TMCC1: variants seen among roughly 807,000 people sequenced by gnomAD.
TMCC1 encodes the protein transmembrane and coiled-coil domain family 1, also known as transmembrane and coiled-coil domains protein 1.
A neutral mutation model predicts 52.4 loss-of-function variants in TMCC1; 15 were observed. The observed-to-expected ratio is 0.29, with a 90% CI of 0.19 to 0.44. TMCC1 has a LOEUF of 0.44. Ranked by LOEUF, TMCC1 falls within the 20% of genes least tolerant of loss-of-function variation. The pLI is 1.00. For synonymous variants in TMCC1, 279 were observed against 301.9 expected, an observed-to-expected ratio of 0.92 and a Z score of 0.79; for missense variants, 503 against 806.0, an observed-to-expected ratio of 0.62 and a Z score of 4.55.
intron 4 of TMCC1, among the ~76,000 whole-genome samples, chr3:129,725,796 C>T (rs2050030876): frequency 1.3e-5 from 2 of 152,052 alleles, no homozygotes; most frequent in African/African-American, 4.8e-5. Flanking sequence ...AAAGAAACAA[C>T]CGTACTAAAT....
intron 2 of TMCC1, among the ~76,000 whole-genome samples, chr3:129,871,365 C>CAAAA (rs908333351): frequency 1.5e-3 from 77 of 49,806 alleles, no homozygotes; most frequent in African/African-American, 5.0e-3. Context: ...GACGCTGTCT[C>CAAAA]AAAAAAAAAA....
Position 129,700,235 on chromosome 3 carries a change from T to A in TMCC1, c.577-28971A>T, listed in dbSNP as rs190052148. Among the ~76,000 whole-genome samples, 26 of 149,686 alleles carry A rather than the reference T, an allele frequency of 1.7e-4. No homozygotes were observed. The East Asian group carries it at 4.9e-3, about 28-fold the overall frequency. On this transcript the variant is annotated intron_variant, in intron 4 of 6. Coordinates refer to ENST00000393238, the MANE Select transcript of TMCC1 (RefSeq NM_001017395.5). ...AATCTTTATTTTTTAAAAAGAAAAT[T>A]AAAAAAAAAATCTAATGTATTAAAT...
At chr3:129,734,423 A>T (rs1226049856) in intron 4 of TMCC1, among the ~76,000 whole-genome samples, 2 of 152,214 alleles carry the variant, frequency 1.3e-5, no homozygotes, top group African/African-American at 4.8e-5. Flanking sequence ...CAATACAAGT[A>T]CATAGACATA....
At chr3:129,758,343 G>T (rs929251146) in intron 4 of TMCC1, among the ~76,000 whole-genome samples, 1 of 152,130 alleles carries the variant, frequency 6.6e-6, no homozygotes, top group African/African-American at 2.4e-5. Context: ...TCATGTTTAG[G>T]TTAATAATTG....
At chr3:129,790,117 G>T (rs1393121194) in intron 4 of TMCC1, among the ~76,000 whole-genome samples, 1 of 152,140 alleles carries the variant, frequency 6.6e-6, no homozygotes, top group East Asian at 1.9e-4. Context: ...AATCATCACT[G>T]ATTTACTGTT....
At chr3:129,745,967 C>G (rs576314371) in intron 4 of TMCC1, among the ~76,000 whole-genome samples, 158 of 151,292 alleles carry the variant, frequency 1.0e-3, no homozygotes, top group African/African-American at 3.4e-3. Context: ...TTGTTGCCCA[C>G]GCTGGTCTCA....
intron 4 of TMCC1, among the ~76,000 whole-genome samples, chr3:129,716,073 G>A (rs1379910084): frequency 1.3e-5 from 2 of 151,984 alleles, no homozygotes; most frequent in Admixed American, 1.3e-4. Flanking sequence ...AGACTGCCTC[G>A]AGAGACAACA....
At chr3:129,705,975 T>C (rs1321374670) in intron 4 of TMCC1, among the ~76,000 whole-genome samples, 1 of 150,934 alleles carries the variant, frequency 6.6e-6, no homozygotes, top group Non-Finnish European at 1.5e-5. Context: ...ACTGCCACCT[T>C]TGCCTCCCAG....
chr3:129,779,690 G>C (rs956185962), intron 4 of TMCC1, among the ~76,000 whole-genome samples: 1 of 152,122 alleles, frequency 6.6e-6, no homozygotes, highest in African/African-American at 2.4e-5. Flanking sequence ...ATCTTTCCAA[G>C]TAAACTGCCC....
chr3:129,712,001 CAAAAA>C (rs71155567), intron 4 of TMCC1, among the ~76,000 whole-genome samples: 10 of 47,722 alleles, frequency 2.1e-4, no homozygotes, highest in African/African-American at 1.1e-3. Flanking sequence ...GACTCTGTCT[CAAAAA>C]AAAAAAAAAA....
chr3:129,710,309 T>A (rs952537923), intron 4 of TMCC1, among the ~76,000 whole-genome samples: 7 of 152,218 alleles, frequency 4.6e-5, no homozygotes, highest in African/African-American at 1.7e-4. Flanking sequence ...AATTATTCCA[T>A]TTTATTTTTC....
chr3:129,697,305 C>A (rs888171383), intron 4 of TMCC1, among the ~76,000 whole-genome samples: 2 of 152,196 alleles, frequency 1.3e-5, no homozygotes, highest in African/African-American at 4.8e-5. Context: ...AGGTATAGGG[C>A]CTTCACCCTC....
At chr3:129,687,358 C>T (rs2089478551) in intron 4 of TMCC1, among the ~76,000 whole-genome samples, 1 of 152,106 alleles carries the variant, frequency 6.6e-6, no homozygotes, top group African/African-American at 2.4e-5. Context: ...TAGGATTTTG[C>T]AAATCTAATG....
chr3:129,673,630 C>T (rs149196105), intron 4 of TMCC1, among the ~76,000 whole-genome samples: 1,911 of 152,222 alleles, frequency 0.013, 23 homozygotes, highest in Middle Eastern at 0.051. Flanking sequence ...GCGGGAGGAT[C>T]GCTTGAGCCC....
Position 129,760,331 on chromosome 3 carries a change from G to T in TMCC1, c.576+67472C>A, listed in dbSNP as rs144187053. 2.9e-4 allele frequency among the ~76,000 whole-genome samples: 44 copies of T among 152,076 alleles called. No individual in the cohort carries two copies. In the East Asian group the frequency reaches 6.6e-3, roughly 23 times the overall value. On this transcript the variant is annotated intron_variant, in intron 4 of 6. Transcript: ENST00000393238. The stretch of plus-strand genomic sequence containing the variant: ...CTCAAGCCATCCTCTCACTTCCTCA[G>T]CTCAAGCAATCCTCCCACCTCAGCC...
At chr3:129,821,235 G>C (rs2058404182) in intron 4 of TMCC1, among the ~76,000 whole-genome samples, 1 of 151,842 alleles carries the variant, frequency 6.6e-6, no homozygotes, top group African/African-American at 2.4e-5. Flanking sequence ...TGTAGATGTA[G>C]ATGTGTACAT....
intron 4 of TMCC1, among the ~76,000 whole-genome samples, chr3:129,744,256 C>A (rs1295430016): frequency 6.6e-6 from 1 of 152,132 alleles, no homozygotes; most frequent in Admixed American, 6.6e-5. Context: ...GATTGGTTGT[C>A]GTAGTTTTTA....
At chr3:129,748,140 G>C (rs1359734542) in intron 4 of TMCC1, among the ~76,000 whole-genome samples, 1 of 152,180 alleles carries the variant, frequency 6.6e-6, no homozygotes, top group Non-Finnish European at 1.5e-5. Flanking sequence ...TAGAGACTCA[G>C]TATTCTGTGG....
chr3:129,791,081 C>T (rs1025399183), intron 4 of TMCC1, among the ~76,000 whole-genome samples: 1 of 144,480 alleles, frequency 6.9e-6, no homozygotes, highest in Non-Finnish European at 1.5e-5. Context: ...ATGATTGACA[C>T]TCCATAATTT....
Sources: gnomAD v4.1 joint callset for allele counts (sites outside exome capture counted in the v4.1 genomes callset) on GRCh38, gnomAD v4.1.1 for gene constraint, MANE v1.5 for transcripts, NCBI Gene and HGNC (gene_info 2026-07-23, HGNC 2026-07-21) for gene names.